The following MFN1 variants were observed in gnomAD, a reference collection of about 807,000 sequenced individuals.
MFN1 encodes the protein mitofusin 1, also known as mitofusin-1.
A neutral mutation model predicts 92.4 loss-of-function variants in MFN1; 65 were observed. The ratio of observed to expected loss-of-function variants is 0.70; its 90% CI spans 0.58 to 0.86. MFN1 has a LOEUF of 0.86. Among genes scored for constraint, MFN1 ranks in the 40% least tolerant of loss-of-function variants. The probability of loss-of-function intolerance (pLI) is 0.00; values close to 1 mark genes in which losing one functional copy is unlikely to be tolerated. For missense variants in MFN1, 781 were observed against 868.0 expected (o/e 0.90, Z 1.26); for synonymous variants, 297 against 300.9 (o/e 0.99, Z 0.13).
intron 14 of MFN1, among the ~76,000 whole-genome samples, chr3:179,384,357 G>A (rs1436205238): frequency 1.3e-5 from 2 of 152,130 alleles, no homozygotes; most frequent in African/African-American, 4.8e-5. Context: ...TGGGTATAGA[G>A]TAGTATTCGT....
chr3:179,385,652 T>C lies in MFN1; in HGVS notation c.1746T>C (p.Ile582=). ...ATGCATCACAGGAAGAACTCATGATTACATTAGTAACAGGATTGGCGTCCG... is the reference window on the plus strand; with the variant it reads ...ATGCATCACAGGAAGAACTCATGATCACATTAGTAACAGGATTGGCGTCCG... The part of the protein sequence containing the change: ...PDNASQEELM[I]TLVTGLASVT... Residue 582 remains isoleucine (I), a synonymous_variant, in exon 15 of 18, where the codon ATT becomes ATC. Transcript: ENST00000471841. The C allele has an allele frequency of 6.2e-7, 1 of 1,613,638 alleles. No homozygotes were observed. Among genetic ancestry groups the C allele is most frequent in the African/African-American group, 1.3e-5 (1 of 75,028 alleles).
rs566372678 is a variant in MFN1 at position 179,361,084 on chromosome 3, G to A, written c.412-1274G>A. 2.0e-5 allele frequency among the ~76,000 whole-genome samples: 3 copies of A among 152,240 alleles called. No individual in the cohort carries two copies. In the South Asian group the frequency reaches 6.2e-4, roughly 32 times the overall value. ...GGCTTCAGTGAGCCGTGATCACTCA[G>A]CCTGGGAAATGGAGCAAGACACTGT... On this transcript the variant is annotated intron_variant, in intron 4 of 17. Transcript: ENST00000471841.
intron 15 of MFN1, among the ~76,000 whole-genome samples, chr3:179,385,950 A>G (rs1437497408): frequency 3.3e-5 from 5 of 152,178 alleles, no homozygotes; most frequent in African/African-American, 1.2e-4. Context: ...GGTCTTTAAT[A>G]CTTCCTAAGC....
At chr3:179,363,875 T>C (rs7636256) in intron 5 of MFN1, among the ~76,000 whole-genome samples, 106,079 of 152,000 alleles carry the variant, frequency 0.7, 37,361 homozygotes, top group African/African-American at 0.77. Flanking sequence ...TATATACCCA[T>C]AAAAATTTTA....
At chr3:179,377,828 G>T (rs990123635) in intron 12 of MFN1, among the ~76,000 whole-genome samples, 4 of 152,068 alleles carry the variant, frequency 2.6e-5, no homozygotes, top group Admixed American at 6.6e-5. Flanking sequence ...ACTTTGGGAG[G>T]CTGAGGCGGA....
chr3:179,371,122 A>G (rs928306989), intron 9 of MFN1, among the ~76,000 whole-genome samples: 2 of 152,204 alleles, frequency 1.3e-5, no homozygotes, highest in Admixed American at 6.5e-5. Flanking sequence ...CTTTAGATTC[A>G]TTTGATTCAA....
intron 12 of MFN1, 83 bp from the exon 13 acceptor site, chr3:179,378,258 C>CA (rs762077105): frequency 2.0e-6 from 2 of 1,013,600 alleles, no homozygotes; most frequent in Non-Finnish European, 3.0e-6. Context: ...ACCATTTTGG[C>CA]ATTTACTGAA....
At chr3:179,375,905 A>G (rs1713222017) in intron 10 of MFN1, among the ~76,000 whole-genome samples, 1 of 152,222 alleles carries the variant, frequency 6.6e-6, no homozygotes, top group Non-Finnish European at 1.5e-5. Context: ...AATACATGAA[A>G]ATACCAGCAT....
intron 14 of MFN1, 49 bp from the exon 15 acceptor site, chr3:179,385,520 T>C (rs750931084): frequency 6.6e-7 from 1 of 1,526,264 alleles, no homozygotes; most frequent in Admixed American, 2.2e-5. Flanking sequence ...AAGATAACTT[T>C]ATAGTTGTTT....
intron 9 of MFN1, among the ~76,000 whole-genome samples, chr3:179,369,172 TTTTCCTTTTGC>T (rs1169997276): frequency 6.6e-6 from 1 of 152,038 alleles, no homozygotes; most frequent in Non-Finnish European, 1.5e-5. Flanking sequence ...GTTTTTTTTC[TTTTCCTTTTGC>T]TTTCACCAAA....
intron 14 of MFN1, among the ~76,000 whole-genome samples, chr3:179,381,827 A>G (rs1441370665): frequency 1.3e-5 from 2 of 152,236 alleles, no homozygotes; most frequent in Non-Finnish European, 2.9e-5. Flanking sequence ...CATCCTCAAG[A>G]TAGCTCATTA....
At chr3:179,373,306 G>T (rs188983735) in intron 9 of MFN1, among the ~76,000 whole-genome samples, 1 of 152,164 alleles carries the variant, frequency 6.6e-6, no homozygotes, top group Non-Finnish European at 1.5e-5. Flanking sequence ...AGCATAGGTC[G>T]TAAATAGGAC....
intron 14 of MFN1, among the ~76,000 whole-genome samples, chr3:179,379,596 C>T (rs1283047047): frequency 1.3e-5 from 2 of 152,200 alleles, no homozygotes; most frequent in Non-Finnish European, 2.9e-5. Context: ...TCAAGTGATC[C>T]ACCTGCCTCA....
chr3:179,390,488 T>G (rs1713858277), intron 17 of MFN1, among the ~76,000 whole-genome samples: 1 of 152,216 alleles, frequency 6.6e-6, no homozygotes, highest in Non-Finnish European at 1.5e-5. Flanking sequence ...GTTGTGTATG[T>G]CCAAGACCCA....
chr3:179,352,746 A>G (rs1712195542), intron 3 of MFN1, among the ~76,000 whole-genome samples: 1 of 132,468 alleles, frequency 7.5e-6, no homozygotes. Context: ...TCCCAAGTAA[A>G]CTCAGCATTT....
intron 17 of MFN1, among the ~76,000 whole-genome samples, chr3:179,390,911 A>T (rs914849502): frequency 4.6e-5 from 7 of 152,188 alleles, no homozygotes; most frequent in African/African-American, 1.7e-4. Context: ...TAAAACATCC[A>T]TAGTAGTGAT....
intron 2 of MFN1, among the ~76,000 whole-genome samples, chr3:179,350,141 G>A (rs1323738009): frequency 1.3e-5 from 2 of 149,238 alleles, no homozygotes; most frequent in East Asian, 3.9e-4. Flanking sequence ...GACAGAGTGA[G>A]ACTCCATTTC....
intron 15 of MFN1, 64 bp downstream of exon 15, chr3:179,385,785 C>G (rs1231090712): frequency 5.4e-6 from 8 of 1,486,220 alleles, no homozygotes; most frequent in Non-Finnish European, 7.4e-6. Flanking sequence ...TGTTAGCTCA[C>G]AAAAGAAAAG....
intron 16 of MFN1, among the ~76,000 whole-genome samples, chr3:179,386,844 A>C (rs1713706146): frequency 6.6e-6 from 1 of 152,076 alleles, no homozygotes; most frequent in South Asian, 2.1e-4. Flanking sequence ...CTCCTGATAG[A>C]TTAGGTTTGA....
Sources: allele counts gnomAD v4.1 joint callset (sites outside exome capture counted in the v4.1 genomes callset), GRCh38; gene constraint gnomAD v4.1.1; transcripts MANE v1.5; gene names NCBI Gene and HGNC (gene_info 2026-07-23, HGNC 2026-07-21).